The following TBC1D19 variants were observed in gnomAD, a reference collection of about 807,000 sequenced individuals.
The protein encoded by TBC1D19 is TBC1 domain family, member 19.
TBC1D19 carries 60 observed loss-of-function variants against 89.0 expected under a neutral mutation model. The observed-to-expected ratio is 0.67, with a 90% CI of 0.55 to 0.84. The LOEUF (loss-of-function observed/expected upper bound fraction) is 0.84. Ranked by LOEUF, TBC1D19 falls within the 40% of genes least tolerant of loss-of-function variation. TBC1D19 has a pLI of 0.00. For missense variants in TBC1D19, 500 were observed against 610.8 expected (o/e 0.82, Z 1.91); for synonymous variants, 189 against 199.7 (o/e 0.95, Z 0.45).
chr4:26,660,158 C>T (rs1010906523), intron 8 of TBC1D19, among the ~76,000 whole-genome samples: 9 of 152,070 alleles, frequency 5.9e-5, no homozygotes, highest in African/African-American at 2.2e-4. Context: ...CTCTGGAGAC[C>T]GTAATATTTT....
At chr4:26,805,077 C>G in the TBC1D19 span, among the ~76,000 whole-genome samples, 1 of 152,172 alleles carries the variant, frequency 6.6e-6, no homozygotes, top group African/African-American at 2.4e-5. Flanking sequence ...CTGGAACTTG[C>G]TGTGAGACTT....
At chr4:26,652,011 A>G (rs139934320) in intron 7 of TBC1D19, among the ~76,000 whole-genome samples, 192 of 152,230 alleles carry the variant, frequency 1.3e-3, no homozygotes, top group African/African-American at 4.2e-3. Context: ...ATGCTGGATT[A>G]CATTTATTGA....
intron 19 of TBC1D19, 48 bp from the exon 20 acceptor site, chr4:26,753,772 G>A (rs368616037): frequency 1.3e-5 from 21 of 1,608,486 alleles, no homozygotes; most frequent in Middle Eastern, 1.7e-4. Flanking sequence ...TAACCGTGCC[G>A]GGCTGATGAG....
chr4:26,834,981 C>T, the TBC1D19 span, among the ~76,000 whole-genome samples: 1 of 152,152 alleles, frequency 6.6e-6, no homozygotes, highest in East Asian at 1.9e-4. Flanking sequence ...GAGCCCTTAG[C>T]CCTTACTCCC....
chr4:26,727,734 T>C (rs556571068), intron 15 of TBC1D19, among the ~76,000 whole-genome samples: 29 of 152,356 alleles, frequency 1.9e-4, no homozygotes, highest in Admixed American at 1.4e-3. Context: ...TCTTTCAACA[T>C]TGAGTTATCA....
the TBC1D19 span, among the ~76,000 whole-genome samples, chr4:26,793,089 G>A: frequency 1.3e-4 from 20 of 152,298 alleles, no homozygotes; most frequent in African/African-American, 4.1e-4. Flanking sequence ...AAGACTTGGA[G>A]GACCAAGTAA....
At chr4:26,693,467 G>A (rs1714475036) in intron 13 of TBC1D19, among the ~76,000 whole-genome samples, 1 of 152,126 alleles carries the variant, frequency 6.6e-6, no homozygotes, top group Non-Finnish European at 1.5e-5. Flanking sequence ...GCTGAGGCAG[G>A]ACAATCGCTT....
At chr4:26,806,628 CTGCCAAATTCA>C in the TBC1D19 span, among the ~76,000 whole-genome samples, 2 of 152,318 alleles carry the variant, frequency 1.3e-5, no homozygotes, top group Admixed American at 1.3e-4. Flanking sequence ...CACCAGCCCT[CTGCCAAATTCA>C]TGTCCACACA....
chr4:26,588,170 C>T (rs543923050), intron 1 of TBC1D19, among the ~76,000 whole-genome samples: 116 of 151,964 alleles, frequency 7.6e-4, no homozygotes, highest in African/African-American at 2.3e-3. Context: ...GGACTACAGG[C>T]GCCTGCCACC....
intron 11 of TBC1D19, among the ~76,000 whole-genome samples, chr4:26,674,637 A>G (rs1391625724): frequency 6.6e-6 from 1 of 152,064 alleles, no homozygotes; most frequent in Non-Finnish European, 1.5e-5. Flanking sequence ...GAAATATATC[A>G]TTGAGCAAGT....
intron 1 of TBC1D19, among the ~76,000 whole-genome samples, chr4:26,611,987 G>C (rs1481798613): frequency 2.0e-5 from 3 of 151,920 alleles, no homozygotes; most frequent in Non-Finnish European, 2.9e-5. Flanking sequence ...TTTAACTTCT[G>C]CTCTAAAGTT....
At chr4:26,702,826 T>A (rs1252161033) in intron 13 of TBC1D19, among the ~76,000 whole-genome samples, 3 of 152,206 alleles carry the variant, frequency 2.0e-5, no homozygotes, top group Admixed American at 6.5e-5. Flanking sequence ...TCATCTCCCA[T>A]GACAGAAACA....
chr4:26,652,983 C>T (rs996001946), intron 7 of TBC1D19, among the ~76,000 whole-genome samples: 3 of 152,116 alleles, frequency 2.0e-5, no homozygotes, highest in Non-Finnish European at 4.4e-5. Flanking sequence ...TAGATCTTTC[C>T]TGCTTTCTCT....
the TBC1D19 span, among the ~76,000 whole-genome samples, chr4:26,827,969 C>T: frequency 1.3e-5 from 2 of 152,080 alleles, no homozygotes; most frequent in Non-Finnish European, 2.9e-5. Flanking sequence ...GAAATGGTTC[C>T]TCTAAGATCT....
intron 1 of TBC1D19, among the ~76,000 whole-genome samples, chr4:26,592,780 A>G (rs1739907600): frequency 6.6e-6 from 1 of 152,000 alleles, no homozygotes; most frequent in Admixed American, 6.6e-5. Context: ...CCAACTTACA[A>G]GGGATGTGAA....
intron 15 of TBC1D19, among the ~76,000 whole-genome samples, chr4:26,725,823 C>G (rs116153305): frequency 7.8e-4 from 119 of 152,292 alleles, no homozygotes; most frequent in African/African-American, 2.6e-3. Flanking sequence ...ATCAACATAT[C>G]TAGCACCTAG....
At chr4:26,616,669 T>G (rs1468675739) in intron 3 of TBC1D19, among the ~76,000 whole-genome samples, 1 of 152,158 alleles carries the variant, frequency 6.6e-6, no homozygotes, top group Non-Finnish European at 1.5e-5. Flanking sequence ...ACAGCACACT[T>G]CGTTTTACTT....
At chr4:26,738,761 CTTAT>C (rs946690022) in intron 16 of TBC1D19, among the ~76,000 whole-genome samples, 3 of 152,022 alleles carry the variant, frequency 2.0e-5, no homozygotes, top group Non-Finnish European at 2.9e-5. Flanking sequence ...TTTTTAATGA[CTTAT>C]TTATCAGTAA....
the TBC1D19 span, among the ~76,000 whole-genome samples, chr4:26,833,496 A>G: frequency 2.0e-5 from 3 of 152,120 alleles, no homozygotes; most frequent in Non-Finnish European, 4.4e-5. Flanking sequence ...CACTGTCCCT[A>G]TAGTTTTGTC....
Sources: allele counts gnomAD v4.1 joint callset (sites outside exome capture counted in the v4.1 genomes callset), GRCh38; gene constraint gnomAD v4.1.1; transcripts MANE v1.5; gene names NCBI Gene and HGNC (gene_info 2026-07-23, HGNC 2026-07-21).